The following PCSK7 variants were observed in gnomAD, a reference collection of about 807,000 sequenced individuals.
PCSK7 encodes the protein proprotein convertase subtilisin/kexin type 7.
A neutral mutation model predicts 73.3 loss-of-function variants in PCSK7; 38 were observed. That is an observed-to-expected ratio of 0.52 (90% CI 0.40 to 0.68). The LOEUF is 0.68. Among genes scored for constraint, PCSK7 ranks in the 30% least tolerant of loss-of-function variants. The pLI, the probability that PCSK7 is intolerant of heterozygous loss-of-function variation, is 0.00. For synonymous variants in PCSK7, 296 were observed against 383.8 expected, an observed-to-expected ratio of 0.77 and a Z score of 2.68; for missense variants, 692 against 991.5, an observed-to-expected ratio of 0.70 and a Z score of 4.06.
In PCSK7 at chr11:117,224,108, A is replaced by G. The variant is rs1381241185; in HGVS notation, c.1024T>C (p.Tyr342His). The change falls in exon 8 of 17, where the codon TAC (tyrosine) becomes CAC (histidine). Residue 342 changes from tyrosine to histidine, a missense_variant. Physicochemically the swap from Tyr to His is moderately conservative, Grantham distance 83. Coordinates refer to ENST00000320934, the MANE Select transcript of PCSK7 (RefSeq NM_004716.4). ...GTGACGGTGTAGATGGAGTTGGCGT[A>G]GCCATCGTAGTTGCAGTTGTCGTTG... Reference protein sequence around the residue: ...QHNDNCNYDGYANSIYTVTIG... With the variant: ...QHNDNCNYDGHANSIYTVTIG... The G allele has an allele frequency of 6.2e-7, 1 of 1,603,406 alleles. No individual in the cohort carries two copies. Among genetic ancestry groups the G allele is most frequent in the Admixed American group, 1.7e-5 (1 of 59,018 alleles).
At position 117,229,643 on chromosome 11, in the gene PCSK7, C is replaced by CTT; in HGVS notation, c.200_201dup (p.Glu68LysfsTer18). 6.2e-7 allele frequency: 1 copy of CTT among 1,614,032 alleles called. No homozygotes were observed. The highest frequency in any genetic ancestry group is 8.5e-7 in the Non-Finnish European group (1 of 1,179,872). ...GCATCCGCCTGCTGCTCCAGAGTCT[C>CTT]TTCCTCCCCGTCACCTTCCAGGCTT... On this transcript the variant is annotated frameshift_variant, in exon 3 of 17. Coordinates refer to ENST00000320934, the MANE Select transcript of PCSK7 (RefSeq NM_004716.4). LOFTEE classifies it high-confidence loss of function.
intron 4 of PCSK7, 127 bp downstream of exon 4, chr11:117,228,089 A>AC (rs1254845055): frequency 1.2e-6 from 1 of 853,498 alleles, no homozygotes; most frequent in Non-Finnish European, 1.8e-6. Context: ...AAGAGGATGA[A>AC]CCCCATCCCA....
chr11:117,228,813 G>T (rs565899733), intron 3 of PCSK7, among the ~76,000 whole-genome samples: 2 of 152,076 alleles, frequency 1.3e-5, no homozygotes, highest in African/African-American at 4.8e-5. Flanking sequence ...GTAGAGACAG[G>T]GTTTCACTGT....
Position 117,204,545 on chromosome 11 carries a change from TC to T in PCSK7, c.*1451del. ...CTGTGCCCCCAGCCTCAGCCCAACTTCTTACCCGAAAGCATCACTGCCTTGG... is the reference window on the plus strand; with the variant it reads ...CTGTGCCCCCAGCCTCAGCCCAACTTTTACCCGAAAGCATCACTGCCTTGG... On this transcript the variant is annotated 3_prime_UTR_variant, in exon 17 of 17. Transcript: ENST00000320934. The T allele has an allele frequency of 1.1e-6, 1 of 885,968 alleles. No individual in the cohort carries two copies. The highest frequency in any genetic ancestry group is 1.8e-6 in the Non-Finnish European group (1 of 556,472). 54.9% of individuals were successfully genotyped at this position (885,968 alleles called of 1,614,324 possible). A position where few individuals can be genotyped will look rare whatever the true frequency, so the allele number is the denominator to read the frequency against.
chr11:117,228,868 T>A lies in PCSK7; in HGVS notation c.468+509A>T, dbSNP rs796801078. ...ATCTCCTGACCTCGTGATCTGCCCA[T>A]CTCGGCCTCCCAAAGTGCTGGGATT... On this transcript the variant is annotated intron_variant, in intron 3 of 16. Coordinates refer to ENST00000320934, the MANE Select transcript of PCSK7 (RefSeq NM_004716.4). Among the ~76,000 whole-genome samples the A allele has an allele frequency of 1.4e-4, 21 of 152,168 alleles. 1 individual carries two copies. The highest frequency in any genetic ancestry group is 5.1e-4 in the African/African-American group (21 of 41,526).
chr11:117,227,855 C>T (rs1047548821), intron 4 of PCSK7, among the ~76,000 whole-genome samples: 1 of 152,150 alleles, frequency 6.6e-6, no homozygotes, highest in East Asian at 1.9e-4. Context: ...GCCCATTATG[C>T]GAATGTGCCT....
Position 117,219,480 on chromosome 11 carries a change from T to C in PCSK7, c.1323+111A>G, listed in dbSNP as rs1017474946. 9 of 1,071,780 alleles carry C rather than the reference T, an allele frequency of 8.4e-6. No individual in the cohort carries two copies. In the African/African-American group the frequency reaches 1.3e-4, roughly 15 times the overall value. The allele number at this position is 1,071,780 out of a possible 1,614,324, so 66.4% of individuals were successfully genotyped here. On this transcript the variant is annotated intron_variant, in intron 10 of 16. Coordinates refer to ENST00000320934, the MANE Select transcript of PCSK7 (RefSeq NM_004716.4). The stretch of plus-strand genomic sequence containing the variant: ...ACATATGCAACTCTGAAAGGGACTC[T>C]GAAAGAGACTTAGTATCTAACATTT...
intron 5 of PCSK7, chr11:117,226,244 G>A: frequency 1.8e-6 from 1 of 542,252 alleles, no homozygotes; most frequent in South Asian, 2.2e-5. Flanking sequence ...TCAAGCGATT[G>A]TCTTGCCTCA....
rs1171470425 is a variant in PCSK7, at chr11:117,206,360, G to C, written c.1999-4C>G. 6.2e-7 allele frequency: 1 copy of C among 1,602,074 alleles called. No individual in the cohort carries two copies. The highest frequency in any genetic ancestry group is 2.2e-5 in the East Asian group (1 of 44,670). Reference sequence around the variant, plus strand: ...AACAGCCTACCAGCACCAGGGTCTGGGGCCGAGGCAAGCACCTACGTGAGG... The same window carrying C: ...AACAGCCTACCAGCACCAGGGTCTGCGGCCGAGGCAAGCACCTACGTGAGG... On this transcript the variant is annotated splice_region_variant and splice_polypyrimidine_tract_variant and intron_variant, in intron 16 of 16. Transcript: ENST00000320934.
At chr11:117,227,734 C>A (rs574474761) in intron 4 of PCSK7, among the ~76,000 whole-genome samples, 1 of 152,340 alleles carries the variant, frequency 6.6e-6, no homozygotes, top group Admixed American at 6.5e-5. Flanking sequence ...AGCCACCGCG[C>A]CCGGACCCAA....
Position 117,218,645 on chromosome 11 carries a change from CTT to C in PCSK7, c.1432-79_1432-78del, listed in dbSNP as rs2134310278. 7 of 747,642 alleles carry C rather than the reference CTT, an allele frequency of 9.4e-6. No individual in the cohort carries two copies. In the South Asian group the frequency reaches 1.2e-4, roughly 13 times the overall value. The allele number at this position is 747,642 out of a possible 1,614,324, so 46.3% of individuals were successfully genotyped here. ...CCACATTCTCACAAACACACACGCC[CTT>C]GTCAATACGATCTTGAAGGTTTAGC... is the stretch of plus-strand genomic sequence containing the variant. On this transcript the variant is annotated intron_variant, in intron 11 of 16. Coordinates refer to ENST00000320934, the MANE Select transcript of PCSK7 (RefSeq NM_004716.4). This position sits in a 1 kb window ranked among gnomAD's most constrained non-coding sequence, Gnocchi z 4.0.
At chr11:117,228,138 A>G (rs981092982) in intron 4 of PCSK7, 78 bp downstream of exon 4, 1 of 1,440,046 alleles carries the variant, frequency 6.9e-7, no homozygotes, top group Non-Finnish European at 9.7e-7. Flanking sequence ...GACCTCTAGA[A>G]AAGGGGACAA....
chr11:117,228,635 A>G (rs1182795179), intron 3 of PCSK7, among the ~76,000 whole-genome samples: 2 of 137,016 alleles, frequency 1.5e-5, no homozygotes, highest in East Asian at 2.1e-4. Flanking sequence ...TTTTTTTGAG[A>G]CGGAGTCTTG....
chr11:117,215,019 A>T (rs913006712), intron 12 of PCSK7: 1 of 152,168 alleles, frequency 6.6e-6, no homozygotes, highest in African/African-American at 2.4e-5. Flanking sequence ...CGTCAGATCT[A>T]AAAACCCCAA....
At chr11:117,216,267 T>G (rs1479194198) in intron 12 of PCSK7, 1 of 152,146 alleles carries the variant, frequency 6.6e-6, no homozygotes, top group Non-Finnish European at 1.5e-5. Flanking sequence ...CTTAGAGGTA[T>G]TTAGCCTCCT....
chr11:117,219,824 A>C (rs1288503880), intron 9 of PCSK7, 66 bp from the exon 10 acceptor site: 2 of 1,299,780 alleles, frequency 1.5e-6, no homozygotes, highest in East Asian at 2.6e-5. Context: ...AGTGGTGTGC[A>C]CCTATAGTCC....
Position 117,219,146 on chromosome 11 carries a change from C to T in PCSK7, c.1342G>A (p.Glu448Lys), listed in dbSNP as rs757348722. 27 of 1,610,226 alleles carry T rather than the reference C, an allele frequency of 1.7e-5. No homozygotes were observed. Among genetic ancestry groups the T allele is most frequent in the Non-Finnish European group, 2.3e-5 (27 of 1,179,420 alleles). Reference protein sequence around the residue: ...TATRYEDRRAEWVTNEAGFSH... With the variant: ...TATRYEDRRAKWVTNEAGFSH... ...AAGCCTGCCTCGTTGGTGACCCACT[C>T]TGCACGGCGATCCTCATACTGAAAG... Residue 448 changes from glutamate to lysine, a missense_variant, in exon 11 of 17, where the codon GAG (glutamate) becomes AAG (lysine). Coordinates refer to ENST00000320934, the MANE Select transcript of PCSK7 (RefSeq NM_004716.4).
rs201051147 is a variant in PCSK7, at chr11:117,229,393, G to A, written c.452C>T (p.Pro151Leu). 395 of 1,606,146 alleles carry A rather than the reference G, an allele frequency of 2.5e-4. No individual in the cohort carries two copies. Among genetic ancestry groups the A allele is most frequent in the Non-Finnish European group, 3.2e-4 (379 of 1,179,626 alleles). ...RSVHFNDPKY[P>L]QQWHLNNRRS... Reference sequence around the variant, plus strand: ...TGGACTCACCAGGTGCCATTGCTGCGGGTACTTGGGGTCGTTGAAGTGGAC... The same window carrying A: ...TGGACTCACCAGGTGCCATTGCTGCAGGTACTTGGGGTCGTTGAAGTGGAC... The change falls in exon 3 of 17, where the codon CCG becomes CTG. Residue 151 changes from proline (P) to leucine (L), a missense_variant. Pro to Leu is a moderately conservative substitution (Grantham distance 98). This residue lies in a region of PCSK7 where 574 missense variants were observed against 689.8 expected (regional missense o/e 0.83). Transcript: ENST00000320934.
At chr11:117,216,240 C>A (rs1042380913) in intron 12 of PCSK7, 1 of 152,094 alleles carries the variant, frequency 6.6e-6, no homozygotes, top group Non-Finnish European at 1.5e-5. Context: ...TTCTTTGGGA[C>A]AATGCTACTC....
Sources: gnomAD v4.1 joint callset for allele counts (sites outside exome capture counted in the v4.1 genomes callset) on GRCh38, gnomAD v4.1.1 for gene constraint, gnomAD v4.1.1 regional missense constraint, Gnocchi (gnomAD v3.1) non-coding constraint, MANE v1.5 for transcripts, NCBI Gene and HGNC (gene_info 2026-07-23, HGNC 2026-07-21) for gene names.